SLC4A4: variants seen among roughly 807,000 people sequenced by gnomAD.
SLC4A4 encodes solute carrier family 4 member 4.
A neutral mutation model predicts 111.5 loss-of-function variants in SLC4A4; 27 were observed. The observed-to-expected ratio is 0.24, with a 90% CI of 0.18 to 0.33. SLC4A4 has a LOEUF of 0.33. SLC4A4 is among the 10% of genes least tolerant of loss of function. The pLI is 1.00. For missense variants in SLC4A4, 909 were observed against 1,315.5 expected (o/e 0.69, Z 4.78); for synonymous variants, 443 against 463.4 (o/e 0.96, Z 0.57).
intron 2 of SLC4A4, among the ~76,000 whole-genome samples, chr4:71,145,207 A>G (rs1053839414): frequency 1.3e-5 from 2 of 152,138 alleles, no homozygotes; most frequent in African/African-American, 4.8e-5. Context: ...TGAGATAATC[A>G]TGTGGTTTTT....
At chr4:71,298,228 G>A (rs1724963389) in intron 3 of SLC4A4, among the ~76,000 whole-genome samples, 2 of 152,284 alleles carry the variant, frequency 1.3e-5, no homozygotes, top group South Asian at 4.1e-4. Flanking sequence ...TTCCAGAGAA[G>A]ACATATGAAC....
Position 71,238,411 on chromosome 4 carries a change from CA to C in SLC4A4, c.73+1763del, listed in dbSNP as rs145320075. On this transcript the variant is annotated intron_variant, in intron 2 of 25. Coordinates refer to ENST00000264485, the MANE Select transcript of SLC4A4 (RefSeq NM_001098484.3). ...AATGAATAGCACACAAATCTGTAGCCAGGATTCTTTAAGAAGAAACAGAAAC... is the reference window on the plus strand; with the variant it reads ...AATGAATAGCACACAAATCTGTAGCCGGATTCTTTAAGAAGAAACAGAAAC... Among the ~76,000 whole-genome samples, 391 of 152,234 alleles carry C rather than the reference CA, an allele frequency of 2.6e-3. 6 individuals are homozygous for C. The highest frequency in any genetic ancestry group is 9.1e-3 in the African/African-American group (379 of 41,552).
At chr4:71,276,647 A>G (rs1472958937) in intron 3 of SLC4A4, among the ~76,000 whole-genome samples, 1 of 147,628 alleles carries the variant, frequency 6.8e-6, no homozygotes, top group Non-Finnish European at 1.5e-5. Context: ...CAAATCGTTC[A>G]TTATTTTTGT....
chr4:71,308,571 G>A (rs1339402275), intron 3 of SLC4A4, among the ~76,000 whole-genome samples: 1 of 152,170 alleles, frequency 6.6e-6, no homozygotes, highest in East Asian at 1.9e-4. Context: ...AGCCCATGGA[G>A]GGTGAGCAGA....
intron 3 of SLC4A4, among the ~76,000 whole-genome samples, chr4:71,318,479 A>G (rs556529607): frequency 6.6e-6 from 1 of 152,182 alleles, no homozygotes; most frequent in African/African-American, 2.4e-5. Context: ...TCACTGTAGG[A>G]GAAAATTTAG....
chr4:71,074,902 AT>A (rs1434283530), intron 1 of SLC4A4, among the ~76,000 whole-genome samples: 1 of 152,138 alleles, frequency 6.6e-6, no homozygotes, highest in Non-Finnish European at 1.5e-5. Flanking sequence ...CTAGTGCTTG[AT>A]CGTTGTTTGT....
chr4:71,521,587 C>A (rs1288569108), intron 16 of SLC4A4, among the ~76,000 whole-genome samples: 1 of 152,046 alleles, frequency 6.6e-6, no homozygotes, highest in Non-Finnish European at 1.5e-5. Flanking sequence ...CAGCAGGAAG[C>A]AAATGGTATG....
intron 16 of SLC4A4, 122 bp from the exon 17 acceptor site, chr4:71,531,940 T>C (rs988857311): frequency 2.0e-5 from 14 of 699,178 alleles, no homozygotes; most frequent in Non-Finnish European, 3.6e-5. Context: ...CCTCCTTCAA[T>C]TTGTTGATGA....
chr4:71,131,884 C>T (rs1337127505), intron 2 of SLC4A4, among the ~76,000 whole-genome samples: 1 of 152,122 alleles, frequency 6.6e-6, no homozygotes, highest in Non-Finnish European at 1.5e-5. Flanking sequence ...ATCCATCTCC[C>T]ACTGTGTTAT....
intron 6 of SLC4A4, among the ~76,000 whole-genome samples, chr4:71,374,228 G>GT (rs1460065581): frequency 1.3e-5 from 2 of 151,778 alleles, no homozygotes; most frequent in Non-Finnish European, 2.9e-5. Context: ...CCATCCCTCT[G>GT]TTTTTTTCAG....
chr4:71,247,296 G>T (rs1720745402), intron 2 of SLC4A4, among the ~76,000 whole-genome samples: 1 of 147,440 alleles, frequency 6.8e-6, no homozygotes, highest in Admixed American at 6.8e-5. Flanking sequence ...ATAACCATAT[G>T]TAATATTTTG....
At chr4:71,516,481 A>G (rs531649885) in intron 16 of SLC4A4, among the ~76,000 whole-genome samples, 1 of 152,252 alleles carries the variant, frequency 6.6e-6, no homozygotes, top group South Asian at 2.1e-4. Flanking sequence ...TGTGCTCCCA[A>G]AATGGTGCCC....
At chr4:71,491,716 A>G (rs766294127) in intron 15 of SLC4A4, among the ~76,000 whole-genome samples, 2 of 151,886 alleles carry the variant, frequency 1.3e-5, no homozygotes, top group Non-Finnish European at 2.9e-5. Context: ...TCTTAAATGT[A>G]TGTATAGCTC....
intron 12 of SLC4A4, among the ~76,000 whole-genome samples, chr4:71,459,380 C>A (rs905035324): frequency 1.3e-5 from 2 of 151,888 alleles, no homozygotes; most frequent in African/African-American, 2.4e-5. Flanking sequence ...AACCCATCAA[C>A]CAGAATTGAT....
chr4:71,241,001 C>A (rs1184349887), intron 2 of SLC4A4, among the ~76,000 whole-genome samples: 1 of 151,920 alleles, frequency 6.6e-6, no homozygotes, highest in Admixed American at 6.6e-5. Flanking sequence ...TGCCTGTAGT[C>A]CCAGCTACTC....
At chr4:71,305,510 C>G (rs1166359114) in intron 3 of SLC4A4, among the ~76,000 whole-genome samples, 1 of 152,106 alleles carries the variant, frequency 6.6e-6, no homozygotes, top group Non-Finnish European at 1.5e-5. Flanking sequence ...ATAATGTATG[C>G]TAAAATGTTA....
intron 3 of SLC4A4, among the ~76,000 whole-genome samples, chr4:71,302,574 T>C (rs1158908497): frequency 6.6e-6 from 1 of 152,218 alleles, no homozygotes; most frequent in Non-Finnish European, 1.5e-5. Context: ...TGGGGTTGCC[T>C]GTAGCTCATT....
At chr4:71,078,455 C>T (rs941152382) in intron 1 of SLC4A4, among the ~76,000 whole-genome samples, 3 of 152,070 alleles carry the variant, frequency 2.0e-5, no homozygotes, top group African/African-American at 7.2e-5. Flanking sequence ...AGAGAATTAT[C>T]AATTCAAGCA....
intron 1 of SLC4A4, among the ~76,000 whole-genome samples, chr4:71,087,300 T>A (rs1298895236): frequency 6.6e-6 from 1 of 152,072 alleles, no homozygotes; most frequent in African/African-American, 2.4e-5. Flanking sequence ...CTCTCTTTTT[T>A]CTTTATTAGT....
Sources: gnomAD v4.1 joint callset for allele counts (sites outside exome capture counted in the v4.1 genomes callset) on GRCh38, gnomAD v4.1.1 for gene constraint, MANE v1.5 for transcripts, NCBI Gene and HGNC (gene_info 2026-07-23, HGNC 2026-07-21) for gene names.